The following MRPS23 variants were observed in gnomAD, a reference collection of about 807,000 sequenced individuals.
MRPS23 encodes small ribosomal subunit protein mS23.
Under a neutral mutation model 19.8 loss-of-function variants are expected in MRPS23, and 14 were observed. The ratio of observed to expected loss-of-function variants is 0.71; its 90% CI spans 0.47 to 1.11. MRPS23 has a LOEUF of 1.11. MRPS23 is among the 50% of genes least tolerant of loss of function. MRPS23 has a pLI of 0.00. For missense variants in MRPS23, 242 were observed against 236.7 expected (o/e 1.02, Z -0.15); for synonymous variants, 113 against 89.7 (o/e 1.26, Z -1.47).
chr17:57,850,040 C>G lies in MRPS23; in HGVS notation c.-30G>C, dbSNP rs1331134858. On this transcript the variant is annotated 5_prime_UTR_variant, in exon 1 of 5. Coordinates refer to ENST00000313608, the MANE Select transcript of MRPS23 (RefSeq NM_016070.4). ...TGCGCCTGGTACCGAGCGTGACTAG[C>G]TGCTACCGGAACCGGAAGCGGCTGC... 1.6e-5 allele frequency: 25 copies of G among 1,581,124 alleles called. No individual in the cohort carries two copies. The highest frequency in any genetic ancestry group is 2.1e-5 in the Non-Finnish European group (25 of 1,168,890).
intron 2 of MRPS23, among the ~76,000 whole-genome samples, chr17:57,842,210 C>G (rs1446373265): frequency 2.6e-5 from 4 of 152,164 alleles, no homozygotes; most frequent in African/African-American, 9.7e-5. Context: ...GATGCAGTCT[C>G]ACTATGTTGC....
At chr17:57,847,444 C>T (rs952583186) in intron 2 of MRPS23, among the ~76,000 whole-genome samples, 5 of 151,986 alleles carry the variant, frequency 3.3e-5, no homozygotes, top group Non-Finnish European at 5.9e-5. Flanking sequence ...AGGCGGATCA[C>T]GAGGTCAGGA....
chr17:57,847,312 G>A (rs138229836), intron 2 of MRPS23, among the ~76,000 whole-genome samples: 171 of 144,970 alleles, frequency 1.2e-3, no homozygotes, highest in African/African-American at 4.1e-3. Context: ...AAAAAAGAAT[G>A]TTCCTAGGCA....
chr17:57,849,866 C>A, intron 1 of MRPS23, 101 bp downstream of exon 1: 1 of 1,392,798 alleles, frequency 7.2e-7, no homozygotes, highest in South Asian at 1.3e-5. Context: ...CCCTGCAATA[C>A]GCCTCGCCCT....
chr17:57,842,668 T>C (rs1289996498), intron 2 of MRPS23, among the ~76,000 whole-genome samples: 1 of 152,106 alleles, frequency 6.6e-6, no homozygotes, highest in Admixed American at 6.6e-5. Flanking sequence ...CCAAAGTGGC[T>C]GTACCAATTT....
chr17:57,849,099 G>A, intron 2 of MRPS23, 141 bp downstream of exon 2: 2 of 1,001,342 alleles, frequency 2.0e-6, no homozygotes, highest in Non-Finnish European at 2.9e-6. Flanking sequence ...AAGGGGTGCT[G>A]CCTCCCTAAT....
chr17:57,841,384 T>C (rs998952101), intron 2 of MRPS23, 124 bp from the exon 3 acceptor site: 2 of 945,374 alleles, frequency 2.1e-6, no homozygotes, highest in African/African-American at 1.7e-5. Flanking sequence ...CCACATAGCC[T>C]AAGCTGAACA....
In MRPS23 at chr17:57,840,970, A is replaced by G. The variant is rs774313139; in HGVS notation, c.376T>C (p.Leu126=). 6 of 1,614,204 alleles carry G rather than the reference A, an allele frequency of 3.7e-6. No individual in the cohort carries two copies. The highest frequency in any genetic ancestry group is 1.3e-5 in the African/African-American group (1 of 75,072). ...CGTCTTAAAATGACACCTTCTGCCA[A>G]TAAAGCCTTCCCTGTTTCCACAAAT... ...KLFVETGKAL[L]AEGVILRRVG... The change falls in exon 4 of 5, where the codon TTG becomes CTG. Residue 126 remains leucine (L), a synonymous_variant. Transcript: ENST00000313608.
chr17:57,846,532 A>G (rs537120933), intron 2 of MRPS23, among the ~76,000 whole-genome samples: 2 of 152,266 alleles, frequency 1.3e-5, no homozygotes, highest in Non-Finnish European at 2.9e-5. Flanking sequence ...CTGTGTGGAA[A>G]GAGGTAGACA....
In MRPS23 at chr17:57,850,021, T is replaced by C. The variant is rs781739113; in HGVS notation, c.-11A>G. The C allele has an allele frequency of 6.3e-7, 1 of 1,591,120 alleles. No individual in the cohort carries two copies. On this transcript the variant is annotated 5_prime_UTR_variant, in exon 1 of 5. Coordinates refer to ENST00000313608, the MANE Select transcript of MRPS23 (RefSeq NM_016070.4). ...CCGGCTGCCTGCCATGATCTGCGCCTGGTACCGAGCGTGACTAGCTGCTAC... is the reference window on the plus strand; with the variant it reads ...CCGGCTGCCTGCCATGATCTGCGCCCGGTACCGAGCGTGACTAGCTGCTAC...
rs139716390 is a variant in MRPS23 at position 57,850,033 on chromosome 17, T to C, written c.-23A>G. The C allele has an allele frequency of 2.5e-6, 4 of 1,585,850 alleles. No homozygotes were observed. Among genetic ancestry groups the C allele is most frequent in the East Asian group, 2.3e-5 (1 of 43,032 alleles). On this transcript the variant is annotated 5_prime_UTR_variant, in exon 1 of 5. Transcript: ENST00000313608. Reference sequence around the variant, plus strand: ...CATGATCTGCGCCTGGTACCGAGCGTGACTAGCTGCTACCGGAACCGGAAG... The same window carrying C: ...CATGATCTGCGCCTGGTACCGAGCGCGACTAGCTGCTACCGGAACCGGAAG...
chr17:57,835,201 T>C lies in MRPS23; in HGVS notation c.*4582A>G, dbSNP rs1423501691. ...CTCCTGGCTCCAAATCTTGCCCCTG[T>C]AGACACCTATCCCTTATCTCTGTCT... On this transcript the variant is annotated 3_prime_UTR_variant, in exon 5 of 5. Coordinates refer to ENST00000313608, the MANE Select transcript of MRPS23 (RefSeq NM_016070.4). The C allele has an allele frequency of 6.6e-6, 1 of 152,284 alleles. No individual in the cohort carries two copies. The highest frequency in any genetic ancestry group is 1.5e-5 in the Non-Finnish European group (1 of 68,090). 9.4% of individuals were successfully genotyped at this position (152,284 alleles called of 1,614,324 possible). A position where few individuals can be genotyped will look rare whatever the true frequency, so the allele number is the denominator to read the frequency against.
At chr17:57,848,809 G>A (rs1191940832) in intron 2 of MRPS23, 1 of 138,630 alleles carries the variant, frequency 7.2e-6, no homozygotes, top group Non-Finnish European at 1.6e-5. Context: ...TGGAGTCAGA[G>A]ATGTGATTCC....
At position 57,849,324 on chromosome 17, in the gene MRPS23, G is replaced by A. The variant is rs775945298; in HGVS notation, c.131C>T (p.Pro44Leu). 1.4e-5 allele frequency: 23 copies of A among 1,614,094 alleles called. No individual in the cohort carries two copies. The highest frequency in any genetic ancestry group is 1.9e-5 in the Non-Finnish European group (22 of 1,180,052). ...VYDAFPPLREPVFQRPRVRYG... is the reference protein window; with the variant it reads ...VYDAFPPLRELVFQRPRVRYG... ...TCGCACTCGAGGCCTTTGGAAGACG[G>A]GCTCCCTCAGCGGGGGAAAGGCGTC... The change falls in exon 2 of 5, where the codon CCC becomes CTC. Residue 44 changes from proline (P) to leucine (L), a missense_variant. By Grantham distance (98) the Pro-to-Leu change is moderately conservative (BLOSUM62 -3). Transcript: ENST00000313608.
At chr17:57,846,624 C>T (rs1408202358) in intron 2 of MRPS23, among the ~76,000 whole-genome samples, 2 of 152,082 alleles carry the variant, frequency 1.3e-5, no homozygotes, top group Non-Finnish European at 1.5e-5. Context: ...CCCCCAACCC[C>T]CTGCTCTCTG....
chr17:57,841,038 T>C lies in MRPS23; in HGVS notation c.308A>G (p.Tyr103Cys), dbSNP rs765342161. 3 of 1,614,166 alleles carry C rather than the reference T, an allele frequency of 1.9e-6. No individual in the cohort carries two copies. The Admixed American group carries it at 5.0e-5, about 27-fold the overall frequency. ...TTCTCCAAGTTTCTGTAGCTCAGTG[T>C]ACTTCTCCACAAACCTGTAATTCCA... is the stretch of plus-strand genomic sequence containing the variant. ...KSTCQRFVEK[Y>C]TELQKLGETD... Residue 103 changes from tyrosine to cysteine, a missense_variant, in exon 4 of 5, where the codon TAC becomes TGC. Transcript: ENST00000313608.
chr17:57,848,370 C>T (rs941348305), intron 2 of MRPS23, among the ~76,000 whole-genome samples: 1 of 151,608 alleles, frequency 6.6e-6, no homozygotes, highest in African/African-American at 2.4e-5. Flanking sequence ...AAATAAAGAA[C>T]ACATGATTTT....
intron 2 of MRPS23, chr17:57,848,857 G>A (rs1488462601): frequency 6.2e-6 from 1 of 160,404 alleles, no homozygotes; most frequent in Non-Finnish European, 1.3e-5. Flanking sequence ...GTAATTACAA[G>A]AAGTTAGCTA....
intron 2 of MRPS23, among the ~76,000 whole-genome samples, chr17:57,846,403 C>G (rs1165300250): frequency 6.6e-6 from 1 of 152,232 alleles, no homozygotes; most frequent in Non-Finnish European, 1.5e-5. Flanking sequence ...GCCGCCACCC[C>G]ATCTGGGAGG....
Sources: allele counts gnomAD v4.1 joint callset (sites outside exome capture counted in the v4.1 genomes callset), GRCh38; gene constraint gnomAD v4.1.1; transcripts MANE v1.5; gene names NCBI Gene and HGNC (gene_info 2026-07-23, HGNC 2026-07-21).